The following RCHY1 variants were observed in gnomAD, a reference collection of about 807,000 sequenced individuals.
RCHY1 encodes the protein RING finger and CHY zinc finger domain-containing protein 1.
Under a neutral mutation model 41.6 loss-of-function variants are expected in RCHY1, and 21 were observed. The ratio of observed to expected loss-of-function variants is 0.51; its 90% confidence interval spans 0.36 to 0.73. RCHY1 has a LOEUF of 0.73. Among genes scored for constraint, RCHY1 ranks in the 30% least tolerant of loss-of-function variants. The pLI, the probability that RCHY1 is intolerant of heterozygous loss-of-function variation, is 0.00. For synonymous variants in RCHY1, 79 were observed against 102.9 expected (o/e 0.77, Z 1.41); for missense variants, 265 against 325.3 (o/e 0.81, Z 1.43).
intron 4 of RCHY1, among the ~76,000 whole-genome samples, chr4:75,492,873 T>C (rs902418597): frequency 6.6e-6 from 1 of 151,998 alleles, no homozygotes; most frequent in Non-Finnish European, 1.5e-5. Flanking sequence ...CACTTTAGTC[T>C]TAACGTTTCT....
rs1212602308 is a variant in RCHY1, at chr4:75,513,945, G to T, written c.90+252C>A. 8 of 381,546 alleles carry T rather than the reference G, an allele frequency of 2.1e-5. No individual in the cohort carries two copies. The East Asian group carries it at 3.5e-4, about 17-fold the overall frequency. 23.6% of individuals were successfully genotyped at this position (381,546 alleles called of 1,614,324 possible). On this transcript the variant is annotated intron_variant, in intron 1 of 8. Coordinates refer to ENST00000324439, the MANE Select transcript of RCHY1 (RefSeq NM_015436.4). Reference sequence around the variant, plus strand: ...CAGCAAAAGACGAATAAGCCCACTGGCAGAGACCACTGTGCAAGCCTAATC... The same window carrying T: ...CAGCAAAAGACGAATAAGCCCACTGTCAGAGACCACTGTGCAAGCCTAATC...
chr4:75,506,006 A>G (rs1196867338), intron 3 of RCHY1, among the ~76,000 whole-genome samples: 1 of 151,968 alleles, frequency 6.6e-6, no homozygotes, highest in Non-Finnish European at 1.5e-5. Context: ...TTTGGAGTCC[A>G]GATTCCACCA....
chr4:75,498,033 G>A (rs1307853847), intron 3 of RCHY1, among the ~76,000 whole-genome samples: 1 of 143,226 alleles, frequency 7.0e-6, no homozygotes, highest in Non-Finnish European at 1.5e-5. Flanking sequence ...AAAAATGAGA[G>A]TGAGACTAAA....
At chr4:75,482,714 A>C in intron 8 of RCHY1, 48 bp from the exon 9 acceptor site, 1 of 1,384,540 alleles carries the variant, frequency 7.2e-7, no homozygotes, top group Non-Finnish European at 1.0e-6. Flanking sequence ...TTATAAATAC[A>C]AGTAGCATTG....
Position 75,499,654 on chromosome 4 carries a change from G to A in RCHY1, c.327-5475C>T, listed in dbSNP as rs552103658. On this transcript the variant is annotated intron_variant, in intron 3 of 8. Transcript: ENST00000324439. ...TAGGATGGAGGTCATTATGTTAAGC[G>A]AAACAAGCCAACCACAGAAAGACAA... Among the ~76,000 whole-genome samples, 11 of 152,268 alleles carry A rather than the reference G, an allele frequency of 7.2e-5. No homozygotes were observed. In the East Asian group the frequency reaches 1.7e-3, roughly 24 times the overall value.
chr4:75,481,478 A>G lies in RCHY1; in HGVS notation c.*1060T>C, dbSNP rs749734790. 1.3e-5 allele frequency: 2 copies of G among 152,206 alleles called. No individual in the cohort carries two copies. The highest frequency in any genetic ancestry group is 2.4e-5 in the African/African-American group (1 of 41,444). 9.4% of individuals were successfully genotyped at this position (152,206 alleles called of 1,614,324 possible). On this transcript the variant is annotated 3_prime_UTR_variant, in exon 9 of 9. Coordinates refer to ENST00000324439, the MANE Select transcript of RCHY1 (RefSeq NM_015436.4). Reference sequence around the variant, plus strand: ...AGTAAGAGGTATATTTAATTCCACTACATGAGCCCAAAAAAGTATTATGAA... The same window carrying G: ...AGTAAGAGGTATATTTAATTCCACTGCATGAGCCCAAAAAAGTATTATGAA...
intron 4 of RCHY1, among the ~76,000 whole-genome samples, chr4:75,492,588 G>GT (rs1722847107): frequency 6.6e-6 from 1 of 151,878 alleles, no homozygotes; most frequent in African/African-American, 2.4e-5. Context: ...ATCCAAGGAG[G>GT]TAAGGGAAAG....
chr4:75,500,320 T>C lies in RCHY1; in HGVS notation c.327-6141A>G, dbSNP rs190156623. Among the ~76,000 whole-genome samples, 240 of 152,348 alleles carry C rather than the reference T, an allele frequency of 1.6e-3. 1 individual carries two copies. The highest frequency in any genetic ancestry group is 5.5e-3 in the African/African-American group (228 of 41,588). On this transcript the variant is annotated intron_variant, in intron 3 of 8. Coordinates refer to ENST00000324439, the MANE Select transcript of RCHY1 (RefSeq NM_015436.4). ...TGCGACTCTGTCTTATAATAAGCTC[T>C]GGTGCTTATTTAATAACAATGAGAA...
chr4:75,501,926 A>G (rs1723804167), intron 3 of RCHY1, among the ~76,000 whole-genome samples: 1 of 152,060 alleles, frequency 6.6e-6, no homozygotes. Flanking sequence ...TAAAAATACA[A>G]AATTAGCCAG....
chr4:75,501,664 T>G (rs1723771882), intron 3 of RCHY1, among the ~76,000 whole-genome samples: 1 of 152,230 alleles, frequency 6.6e-6, no homozygotes, highest in African/African-American at 2.4e-5. Flanking sequence ...AATTCTGTTA[T>G]TCTATACATT....
rs924827393 is a variant in RCHY1 at position 75,479,719 on chromosome 4, T to C, written c.*2819A>G. 6.6e-6 allele frequency: 1 copy of C among 152,272 alleles called. No individual in the cohort carries two copies. Among genetic ancestry groups the C allele is most frequent in the South Asian group, 2.1e-4 (1 of 4,830 alleles). 9.4% of individuals were successfully genotyped at this position (152,272 alleles called of 1,614,324 possible). A position where few individuals can be genotyped will look rare whatever the true frequency, so the allele number is the denominator to read the frequency against. On this transcript the variant is annotated 3_prime_UTR_variant, in exon 9 of 9. Coordinates refer to ENST00000324439, the MANE Select transcript of RCHY1 (RefSeq NM_015436.4). ...CAAAAAATTCGTAAGGGTATTGTTA[T>C]TTTACTTTTTTCAAAAATAATCCAA...
At chr4:75,494,961 T>C (rs1723056811) in intron 3 of RCHY1, among the ~76,000 whole-genome samples, 2 of 151,990 alleles carry the variant, frequency 1.3e-5, no homozygotes, top group Admixed American at 1.3e-4. Flanking sequence ...CTGTGGATTG[T>C]CTGTTCATAT....
At chr4:75,488,884 G>A (rs547156757) in intron 8 of RCHY1, among the ~76,000 whole-genome samples, 3 of 152,254 alleles carry the variant, frequency 2.0e-5, no homozygotes, top group East Asian at 3.9e-4. Context: ...AGACCAGCCT[G>A]GCCAACATGG....
At chr4:75,489,751 T>C (rs529933827) in intron 8 of RCHY1, among the ~76,000 whole-genome samples, 3 of 152,332 alleles carry the variant, frequency 2.0e-5, no homozygotes, top group African/African-American at 4.8e-5. Flanking sequence ...AAAGAAAATT[T>C]TGATGGTCCA....
At chr4:75,495,990 G>A (rs1311589901) in intron 3 of RCHY1, among the ~76,000 whole-genome samples, 1 of 152,040 alleles carries the variant, frequency 6.6e-6, no homozygotes, top group Non-Finnish European at 1.5e-5. Context: ...GTTTTGATAT[G>A]TGGAACGGCA....
chr4:75,514,430 G>C (rs910912886), upstream of RCHY1: 14 of 944,226 alleles, frequency 1.5e-5, no homozygotes, highest in African/African-American at 4.9e-5. Flanking sequence ...ACCCGGGGCA[G>C]ACGGATTTCC....
intron 8 of RCHY1, among the ~76,000 whole-genome samples, chr4:75,487,757 AATATATATATTCATATATATATTCATAAT>A (rs1560513371): frequency 3.4e-5 from 1 of 29,182 alleles, no homozygotes; most frequent in Non-Finnish European, 6.0e-5. Context: ...ATATATTCAT[AATATATATATTCATATATATATTCATAAT>A]ATATATATTC....
intron 8 of RCHY1, among the ~76,000 whole-genome samples, chr4:75,486,076 T>C (rs998130391): frequency 6.6e-6 from 1 of 152,176 alleles, no homozygotes; most frequent in Non-Finnish European, 1.5e-5. Flanking sequence ...TCTTCTTCCC[T>C]GTCTTAGCTT....
chr4:75,504,293 A>G (rs1019062597), intron 3 of RCHY1, among the ~76,000 whole-genome samples: 1 of 152,182 alleles, frequency 6.6e-6, no homozygotes, highest in Non-Finnish European at 1.5e-5. Flanking sequence ...ACAAATTTGA[A>G]GTACACAGGT....
Sources: gnomAD v4.1 joint callset for allele counts (sites outside exome capture counted in the v4.1 genomes callset) on GRCh38, gnomAD v4.1.1 for gene constraint, MANE v1.5 for transcripts, NCBI Gene and HGNC (gene_info 2026-07-23, HGNC 2026-07-21) for gene names.